PIP4K2A: variants seen among roughly 807,000 people sequenced by gnomAD.
PIP4K2A encodes phosphatidylinositol 5-phosphate 4-kinase type-2 alpha.
In PIP4K2A, 14 loss-of-function variants were observed where a neutral mutation model predicts 42.9. That is an observed-to-expected ratio of 0.33 (90% CI 0.22 to 0.51). The LOEUF is 0.51. Ranked by LOEUF, PIP4K2A falls within the 20% of genes least tolerant of loss-of-function variation. PIP4K2A has a pLI of 0.97. For synonymous variants in PIP4K2A, 192 were observed against 192.2 expected, an observed-to-expected ratio of 1.00 and a Z score of 0.01; for missense variants, 434 against 519.8, an observed-to-expected ratio of 0.83 and a Z score of 1.61.
At position 22,536,965 on chromosome 10, in the gene PIP4K2A, CCAA is replaced by C. The variant is rs146827323; in HGVS notation, c.*233_*235del. The C allele has an allele frequency of 1.2e-5, 3 of 240,070 alleles. No homozygotes were observed. Among genetic ancestry groups the C allele is most frequent in the East Asian group, 1.5e-4 (2 of 13,594 alleles). The allele number at this position is 240,070 out of a possible 1,614,324, so 14.9% of individuals were successfully genotyped here. A position where few individuals can be genotyped will look rare whatever the true frequency, so the allele number is the denominator to read the frequency against. On this transcript the variant is annotated 3_prime_UTR_variant, in exon 10 of 10. Transcript: ENST00000376573. ...CACGCGCGCACACACTCACCCCCCC[CCAA>C]CACACACACACACACATATACACAA... is the stretch of plus-strand genomic sequence containing the variant.
intron 7 of PIP4K2A, among the ~76,000 whole-genome samples, chr10:22,549,109 CTAATCCAAGTATGTATACTATAAA>C (rs1360109758): frequency 1.2e-4 from 19 of 152,144 alleles, no homozygotes; most frequent in East Asian, 5.8e-4. Context: ...TATATAGGTT[CTAATCCAAGTATGTATACTATAAA>C]TAATCCAAGT....
chr10:22,649,131 G>A (rs1379792732), intron 1 of PIP4K2A, among the ~76,000 whole-genome samples: 1 of 152,186 alleles, frequency 6.6e-6, no homozygotes, highest in East Asian at 1.9e-4. Context: ...AAAACTTCTT[G>A]CTGTTGCATG....
intron 4 of PIP4K2A, among the ~76,000 whole-genome samples, chr10:22,580,284 A>G (rs532797135): frequency 1.3e-5 from 2 of 152,166 alleles, no homozygotes. Context: ...CACAACTGTG[A>G]GCACATTTTT....
intron 1 of PIP4K2A, among the ~76,000 whole-genome samples, chr10:22,658,387 T>C (rs1839142292): frequency 6.6e-6 from 1 of 152,210 alleles, no homozygotes; most frequent in Non-Finnish European, 1.5e-5. Flanking sequence ...TTGAGGTACA[T>C]GTATTGGTGG....
chr10:22,642,370 A>T (rs912246811), intron 1 of PIP4K2A, among the ~76,000 whole-genome samples: 1 of 152,220 alleles, frequency 6.6e-6, no homozygotes, highest in South Asian at 2.1e-4. Flanking sequence ...GGCAAATAAA[A>T]TCATACCAAC....
intron 5 of PIP4K2A, among the ~76,000 whole-genome samples, chr10:22,571,103 AAAG>A (rs2130792641): frequency 6.6e-6 from 1 of 152,364 alleles, no homozygotes; most frequent in East Asian, 1.9e-4. Context: ...TTCTGTTTAT[AAAG>A]AAGGAATGAT....
chr10:22,573,244 G>C lies in PIP4K2A; in HGVS notation c.639+67C>G. On this transcript the variant is annotated intron_variant, in intron 5 of 9. Coordinates refer to ENST00000376573, the MANE Select transcript of PIP4K2A (RefSeq NM_005028.5). ...CTCCTAAGCATTTCTGATGATCAAT[G>C]ACAACATTTACAATGTAGAAGAGTA... 7.8e-6 allele frequency: 11 copies of C among 1,402,678 alleles called. 1 individual carries two copies. The South Asian group carries it at 9.8e-5, about 12-fold the overall frequency. 86.9% of individuals were successfully genotyped at this position (1,402,678 alleles called of 1,614,324 possible).
At chr10:22,687,113 T>C (rs1839780744) in intron 1 of PIP4K2A, among the ~76,000 whole-genome samples, 2 of 149,420 alleles carry the variant, frequency 1.3e-5, no homozygotes, top group African/African-American at 5.0e-5. Flanking sequence ...TATACTAATC[T>C]GCAATTCAAG....
chr10:22,644,855 C>G lies in PIP4K2A; in HGVS notation c.145-35138G>C, dbSNP rs190966310. Among the ~76,000 whole-genome samples the G allele has an allele frequency of 6.9e-4, 105 of 152,262 alleles. 2 individuals carry two copies. The highest frequency in any genetic ancestry group is 6.6e-3 in the Admixed American group (101 of 15,304). ...TAAATAAATGAACTAAATGAACCAA[C>G]CAAGTCACCATTATTTGTTTCATGG... On this transcript the variant is annotated intron_variant, in intron 1 of 9. Coordinates refer to ENST00000376573, the MANE Select transcript of PIP4K2A (RefSeq NM_005028.5).
At chr10:22,669,153 G>C (rs1042709559) in intron 1 of PIP4K2A, among the ~76,000 whole-genome samples, 3 of 152,098 alleles carry the variant, frequency 2.0e-5, no homozygotes, top group African/African-American at 7.2e-5. Flanking sequence ...CATATGCTTT[G>C]CAACTATAAT....
rs568028985 is a variant in PIP4K2A, at chr10:22,611,658, C to T, written c.145-1941G>A. ...CATATAGCTTCTCCAGTTCACTTTACTCAAGCATCTTATGATACTAAGTCA... is the reference window on the plus strand; with the variant it reads ...CATATAGCTTCTCCAGTTCACTTTATTCAAGCATCTTATGATACTAAGTCA... On this transcript the variant is annotated intron_variant, in intron 1 of 9. Transcript: ENST00000376573. Among the ~76,000 whole-genome samples the T allele has an allele frequency of 2.6e-5, 4 of 152,298 alleles. No homozygotes were observed. In the South Asian group the frequency reaches 6.2e-4, roughly 24 times the overall value.
intron 6 of PIP4K2A, among the ~76,000 whole-genome samples, chr10:22,555,575 C>T (rs1350352961): frequency 1.3e-5 from 2 of 152,020 alleles, no homozygotes; most frequent in Non-Finnish European, 2.9e-5. Flanking sequence ...CTTAGTCTGC[C>T]CAAACCTCAG....
chr10:22,659,282 C>T (rs1202155978), intron 1 of PIP4K2A, among the ~76,000 whole-genome samples: 1 of 152,158 alleles, frequency 6.6e-6, no homozygotes, highest in East Asian at 1.9e-4. Flanking sequence ...ATTCAAGCAC[C>T]ATAAGGACTA....
chr10:22,643,236 T>G (rs988222939), intron 1 of PIP4K2A, among the ~76,000 whole-genome samples: 1 of 152,148 alleles, frequency 6.6e-6, no homozygotes, highest in African/African-American at 2.4e-5. Flanking sequence ...TTTGCCAGAC[T>G]ACATCCTATG....
chr10:22,587,240 GA>G (rs1218116353), intron 4 of PIP4K2A, among the ~76,000 whole-genome samples: 5 of 147,816 alleles, frequency 3.4e-5, no homozygotes, highest in East Asian at 3.9e-4. Context: ...CAAAGGAAAA[GA>G]AAAAAAAAAG....
intron 3 of PIP4K2A, among the ~76,000 whole-genome samples, chr10:22,601,646 G>A (rs1453431828): frequency 2.6e-5 from 4 of 152,094 alleles, no homozygotes; most frequent in Non-Finnish European, 4.4e-5. Flanking sequence ...GGTGTAGGTT[G>A]AGCATTAGAG....
intron 1 of PIP4K2A, among the ~76,000 whole-genome samples, chr10:22,705,451 AAAAAAAAAAAAG>A: frequency 1.4e-5 from 2 of 138,696 alleles, no homozygotes; most frequent in African/African-American, 2.6e-5. Context: ...AAAAAAAAAA[AAAAAAAAAAAAG>A]GACAGAGAGA....
intron 1 of PIP4K2A, among the ~76,000 whole-genome samples, chr10:22,649,452 G>A (rs1441448835): frequency 2.0e-5 from 3 of 152,198 alleles, no homozygotes; most frequent in East Asian, 3.8e-4. Context: ...GCCAAAACAC[G>A]TGTCAAACGG....
intron 1 of PIP4K2A, among the ~76,000 whole-genome samples, chr10:22,700,365 C>G (rs1425987676): frequency 6.6e-6 from 1 of 152,202 alleles, no homozygotes; most frequent in African/African-American, 2.4e-5. Flanking sequence ...AAAGCAGATT[C>G]AAATCTATAA....
Sources: gnomAD v4.1 joint callset for allele counts (sites outside exome capture counted in the v4.1 genomes callset) on GRCh38, gnomAD v4.1.1 for gene constraint, MANE v1.5 for transcripts, NCBI Gene and HGNC (gene_info 2026-07-23, HGNC 2026-07-21) for gene names.